Variants in FAF1 observed in about 807,000 individuals in gnomAD.
FAF1 encodes the protein FAS-associated factor 1.
FAF1 carries 25 observed loss-of-function variants against 92.5 expected under a neutral mutation model. The ratio of observed to expected loss-of-function variants is 0.27; its 90% CI spans 0.20 to 0.38. FAF1 has a LOEUF of 0.38. FAF1 is among the 10% of genes least tolerant of loss of function. FAF1 has a pLI of 1.00. For missense variants in FAF1, 636 were observed against 793.3 expected (o/e 0.80, Z 2.38); for synonymous variants, 234 against 273.2 (o/e 0.86, Z 1.42).
chr1:50,954,806 G>A (rs1441843256), intron 1 of FAF1, among the ~76,000 whole-genome samples: 1 of 152,078 alleles, frequency 6.6e-6, no homozygotes, highest in Admixed American at 6.5e-5. Flanking sequence ...GCCTCCCAAG[G>A]TGCTGAAATT....
intron 18 of FAF1, among the ~76,000 whole-genome samples, chr1:50,444,214 G>A (rs1358539686): frequency 6.6e-6 from 1 of 152,192 alleles, no homozygotes; most frequent in Non-Finnish European, 1.5e-5. Flanking sequence ...GCCATGCTGT[G>A]AAACTGTCCT....
chr1:50,566,549 AT>A (rs1053406532), intron 13 of FAF1, among the ~76,000 whole-genome samples: 110 of 151,774 alleles, frequency 7.2e-4, no homozygotes, highest in African/African-American at 1.6e-3. Context: ...TAGGAAAGGA[AT>A]TTTTTTTTCC....
chr1:50,777,471 G>A (rs1661004506), intron 4 of FAF1, among the ~76,000 whole-genome samples: 1 of 152,088 alleles, frequency 6.6e-6, no homozygotes, highest in Non-Finnish European at 1.5e-5. Flanking sequence ...AAATGCCATA[G>A]TGAATTTGTA....
At chr1:50,557,805 T>A (rs1306108820) in intron 13 of FAF1, among the ~76,000 whole-genome samples, 1 of 152,138 alleles carries the variant, frequency 6.6e-6, no homozygotes, top group East Asian at 1.9e-4. Flanking sequence ...ATGAGAGCAG[T>A]TAAGGAAACA....
chr1:50,584,121 C>T (rs1651115375), intron 10 of FAF1, among the ~76,000 whole-genome samples: 1 of 152,056 alleles, frequency 6.6e-6, no homozygotes, highest in Non-Finnish European at 1.5e-5. Context: ...TTTATGTAAA[C>T]ATCACATCTA....
intron 8 of FAF1, among the ~76,000 whole-genome samples, chr1:50,641,034 A>G (rs1028499346): frequency 1.7e-4 from 25 of 150,846 alleles, no homozygotes; most frequent in African/African-American, 6.1e-4. Flanking sequence ...GGGTTTTACA[A>G]TGTTGGCCAG....
At chr1:50,516,756 A>G (rs985007199) in intron 15 of FAF1, among the ~76,000 whole-genome samples, 14 of 152,222 alleles carry the variant, frequency 9.2e-5, no homozygotes, top group African/African-American at 3.1e-4. Flanking sequence ...CAGTAATTAG[A>G]TATCTACAGC....
intron 1 of FAF1, among the ~76,000 whole-genome samples, chr1:50,859,834 C>A (rs1429836094): frequency 6.6e-6 from 1 of 151,970 alleles, no homozygotes; most frequent in Non-Finnish European, 1.5e-5. Context: ...ATCACATTAT[C>A]CAACTTCAAA....
rs138160522 is a variant in FAF1, at chr1:50,917,697, A to G, written c.45+42070T>C. Among the ~76,000 whole-genome samples, 457 of 146,038 alleles carry G rather than the reference A, an allele frequency of 3.1e-3. 1 individual carries two copies. Among genetic ancestry groups the G allele is most frequent in the Middle Eastern group, 0.011 (3 of 282 alleles). ...AGGAAAGGAAAGGAAAGGAAAGGAA[A>G]GGAAAAGAAAGAAAACCAACATAGT... On this transcript the variant is annotated intron_variant, in intron 1 of 18. Transcript: ENST00000396153.
chr1:50,464,783 C>T (rs145418394), intron 18 of FAF1, among the ~76,000 whole-genome samples: 1 of 152,294 alleles, frequency 6.6e-6, no homozygotes, highest in Admixed American at 6.5e-5. Context: ...ATTATCCTCA[C>T]TTGAAAGATG....
chr1:50,487,669 T>C (rs1303718134), intron 17 of FAF1, among the ~76,000 whole-genome samples: 1 of 152,246 alleles, frequency 6.6e-6, no homozygotes, highest in South Asian at 2.1e-4. Flanking sequence ...AAAATGAGGC[T>C]AACCATTAAG....
intron 2 of FAF1, among the ~76,000 whole-genome samples, chr1:50,808,264 C>T (rs1355239739): frequency 6.6e-6 from 1 of 151,998 alleles, no homozygotes; most frequent in African/African-American, 2.4e-5. Flanking sequence ...TAAGGGAGTG[C>T]TAAATATGGA....
At chr1:50,660,383 A>C (rs1158370983) in intron 7 of FAF1, among the ~76,000 whole-genome samples, 1 of 152,200 alleles carries the variant, frequency 6.6e-6, no homozygotes, top group Non-Finnish European at 1.5e-5. Context: ...CTATTGAAAA[A>C]CTTTTAGGGA....
chr1:50,605,019 A>G (rs1652310995), intron 8 of FAF1, among the ~76,000 whole-genome samples: 1 of 152,058 alleles, frequency 6.6e-6, no homozygotes, highest in Non-Finnish European at 1.5e-5. Flanking sequence ...ACCTGATGCT[A>G]TTTTCCACAT....
At chr1:50,507,031 G>A (rs749105364) in intron 15 of FAF1, among the ~76,000 whole-genome samples, 17 of 152,296 alleles carry the variant, frequency 1.1e-4, no homozygotes, top group Non-Finnish European at 2.1e-4. Flanking sequence ...TAGCTCTACC[G>A]AGGAAAATTA....
chr1:50,755,270 G>A (rs2124517045), intron 4 of FAF1, among the ~76,000 whole-genome samples: 1 of 152,280 alleles, frequency 6.6e-6, no homozygotes, highest in South Asian at 2.1e-4. Flanking sequence ...ATTCCAAAGG[G>A]AAGAAACTGG....
intron 4 of FAF1, among the ~76,000 whole-genome samples, chr1:50,759,553 G>T (rs1440025542): frequency 6.6e-6 from 1 of 151,840 alleles, no homozygotes; most frequent in Non-Finnish European, 1.5e-5. Flanking sequence ...GTTTATCATT[G>T]TTGGACATTT....
chr1:50,447,121 C>CTTTTTTTTTT lies in FAF1; in HGVS notation c.1870-5608_1870-5599dup, dbSNP rs61612294. ...AGAGGCTTCTCAAAACATATTCCTGCTTTTTTTTTTTTTTTTTTTTTTGAG... is the reference window on the plus strand; with the variant it reads ...AGAGGCTTCTCAAAACATATTCCTGCTTTTTTTTTTTTTTTTTTTTTTTTTTTTTTTTGAG... On this transcript the variant is annotated intron_variant, in intron 18 of 18. Transcript: ENST00000396153. Among the ~76,000 whole-genome samples the CTTTTTTTTTT allele has an allele frequency of 2.3e-4, 26 of 112,848 alleles. 2 individuals carry two copies. Among genetic ancestry groups the CTTTTTTTTTT allele is most frequent in the African/African-American group, 3.0e-4 (8 of 26,912 alleles). 74.0% of individuals were successfully genotyped at this position (112,848 alleles called of 152,430 possible). A position where few individuals can be genotyped will look rare whatever the true frequency, so the allele number is the denominator to read the frequency against.
intron 8 of FAF1, among the ~76,000 whole-genome samples, chr1:50,653,596 T>C (rs1394184231): frequency 2.6e-5 from 4 of 151,944 alleles, no homozygotes; most frequent in Non-Finnish European, 5.9e-5. Context: ...CCAGGCACGG[T>C]GGCTCATGCC....
Sources: allele counts gnomAD v4.1 joint callset (sites outside exome capture counted in the v4.1 genomes callset), GRCh38; gene constraint gnomAD v4.1.1; transcripts MANE v1.5; gene names NCBI Gene and HGNC (gene_info 2026-07-23, HGNC 2026-07-21).